The following ERICH3 variants were observed in gnomAD, a reference collection of about 807,000 sequenced individuals.
ERICH3 encodes glutamate-rich protein 3.
ERICH3 carries 126 observed loss-of-function variants against 131.1 expected under a neutral mutation model. That is an observed-to-expected ratio of 0.96 (90% CI 0.83 to 1.11). The LOEUF is 1.11. ERICH3 is among the 50% of genes most tolerant of loss of function. The pLI, the probability that ERICH3 is intolerant of heterozygous loss-of-function variation, is 0.00. For missense variants in ERICH3, 2,050 were observed against 1,810.7 expected, an observed-to-expected ratio of 1.13 and a Z score of -2.40; for synonymous variants, 695 against 644.6, an observed-to-expected ratio of 1.08 and a Z score of -1.18.
At chr1:74,649,340 A>C in intron 1 of ERICH3, 25 bp from the exon 2 acceptor site, 3 of 1,555,662 alleles carry the variant, frequency 1.9e-6, no homozygotes, top group Non-Finnish European at 2.6e-6. Context: ...TAAAACCAAT[A>C]AGCTTTTACA....
intron 12 of ERICH3, chr1:74,579,545 T>C (rs531192393): frequency 2.0e-6 from 2 of 985,418 alleles, no homozygotes; most frequent in South Asian, 9.4e-5. Context: ...TATTTCAGAT[T>C]CAGCAAGAAT....
rs112583366 is a variant in ERICH3, at chr1:74,573,063, G to T, written c.2647C>A (p.Leu883Ile). ...GCTTTGTCTGTCTCAAGCACTGTGA[G>T]CATCAAGGCTTGCTTTTCAGGAGCC... ...DEAPEKQALM[L>I]TVLETDKAAS... The change falls in exon 14 of 15, where the codon CTC (leucine) becomes ATC (isoleucine). Residue 883 changes from leucine (L) to isoleucine (I), a missense_variant. Coordinates refer to ENST00000326665, the MANE Select transcript of ERICH3 (RefSeq NM_001002912.5). The T allele has an allele frequency of 2.5e-6, 4 of 1,614,130 alleles. No homozygotes were observed. Among genetic ancestry groups the T allele is most frequent in the South Asian group, 2.2e-5 (2 of 91,086 alleles).
intron 10 of ERICH3, among the ~76,000 whole-genome samples, chr1:74,605,625 A>T (rs531826301): frequency 1.3e-5 from 2 of 151,822 alleles, no homozygotes; most frequent in South Asian, 2.1e-4. Flanking sequence ...AACAGAGAAG[A>T]CCAAGCAGAG....
chr1:74,590,761 G>C (rs756004669), intron 11 of ERICH3, among the ~76,000 whole-genome samples: 12 of 152,000 alleles, frequency 7.9e-5, no homozygotes, highest in Non-Finnish European at 1.6e-4. Context: ...TTAGATCCCT[G>C]GTCTAAATCA....
intron 7 of ERICH3, among the ~76,000 whole-genome samples, chr1:74,628,287 T>C (rs1198231589): frequency 6.6e-6 from 1 of 152,186 alleles, no homozygotes; most frequent in East Asian, 1.9e-4. Flanking sequence ...AAAGTTTCAC[T>C]TGGAGAAACA....
chr1:74,645,143 C>A (rs925723078), intron 3 of ERICH3, among the ~76,000 whole-genome samples: 1 of 152,028 alleles, frequency 6.6e-6, no homozygotes, highest in Admixed American at 6.6e-5. Context: ...AGTCATCCTC[C>A]TCTTCTTTTC....
chr1:74,669,988 C>A (rs1212952517), intron 1 of ERICH3, among the ~76,000 whole-genome samples: 1 of 152,102 alleles, frequency 6.6e-6, no homozygotes, highest in Non-Finnish European at 1.5e-5. Flanking sequence ...TTAATGAAAC[C>A]TTTTATTTGC....
In ERICH3 at chr1:74,572,024, G is replaced by A. The variant is rs77387756; in HGVS notation, c.3686C>T (p.Ala1229Val). Residue 1229 changes from alanine (A) to valine (V), a missense_variant, in exon 14 of 15, where the codon GCC (alanine) becomes GTC (valine). Transcript: ENST00000326665. ...PEAEPAGKVQ[A>V]PEGLIPATGQ... is the part of the protein sequence containing the mutation. ...TGTGGCTGGGATCAGCCCCTCAGGG[G>A]CCTGCACCTTTCCTGCTGGCTCAGC... 902 of 1,614,108 alleles carry A rather than the reference G, an allele frequency of 5.6e-4. 8 individuals are homozygous for A. In the African/African-American group the frequency reaches 0.011, roughly 19 times the overall value.
chr1:74,605,068 T>A (rs910748801), intron 10 of ERICH3, among the ~76,000 whole-genome samples: 1 of 151,958 alleles, frequency 6.6e-6, no homozygotes, highest in Non-Finnish European at 1.5e-5. Context: ...CTTCGCTAGG[T>A]CTTCTGGATA....
intron 8 of ERICH3, 75 bp from the exon 9 acceptor site, chr1:74,612,884 T>A: frequency 1.6e-6 from 2 of 1,259,350 alleles, no homozygotes; most frequent in Non-Finnish European, 2.2e-6. Context: ...TGTTTTTCTA[T>A]TAGATAAACA....
chr1:74,615,989 T>TTGTTTG (rs1290110332), intron 8 of ERICH3, among the ~76,000 whole-genome samples: 1 of 151,972 alleles, frequency 6.6e-6, no homozygotes, highest in East Asian at 1.9e-4. Flanking sequence ...GTTTTTTTAT[T>TTGTTTG]TGTTTGTTTT....
chr1:74,664,892 C>G (rs1175543894), intron 1 of ERICH3, among the ~76,000 whole-genome samples: 1 of 152,178 alleles, frequency 6.6e-6, no homozygotes, highest in Admixed American at 6.5e-5. Context: ...TTTCTCCCCA[C>G]TAAGTCTTTA....
chr1:74,636,379 A>C lies in ERICH3; in HGVS notation c.504T>G (p.Pro168=). 1 of 1,613,082 alleles carries C rather than the reference A, an allele frequency of 6.2e-7. No individual in the cohort carries two copies. Among genetic ancestry groups the C allele is most frequent in the Non-Finnish European group, 8.5e-7 (1 of 1,179,226 alleles). The part of the protein sequence containing the change: ...GNMQPPIRLQ[P]LPSNPAVETV... ...TTTCTACTGCAGGATTACTGGGAAG[A>C]GGCTGTAATCGAATTGGAGGCTGCA... Residue 168 remains proline (P), a synonymous_variant, in exon 6 of 15, where the codon CCT becomes CCG. Transcript: ENST00000326665.
rs535291553 is a variant in ERICH3, at chr1:74,585,455, A to G, written c.2176+4176T>C. 3.4e-4 allele frequency among the ~76,000 whole-genome samples: 52 copies of G among 152,266 alleles called. 1 individual carries two copies. Among genetic ancestry groups the G allele is most frequent in the African/African-American group, 1.2e-3 (49 of 41,574 alleles). On this transcript the variant is annotated intron_variant, in intron 12 of 14. Transcript: ENST00000326665. ...AGGAAAATATCATTTTATGCAATCAACCTAAAAGGTATGAAGGCAATGGCT... is the reference window on the plus strand; with the variant it reads ...AGGAAAATATCATTTTATGCAATCAGCCTAAAAGGTATGAAGGCAATGGCT...
At chr1:74,615,757 T>C (rs1277907152) in intron 8 of ERICH3, among the ~76,000 whole-genome samples, 1 of 152,248 alleles carries the variant, frequency 6.6e-6, no homozygotes, top group African/African-American at 2.4e-5. Flanking sequence ...TTTCCGGGGC[T>C]ACTCTTATCC....
intron 12 of ERICH3, 112 bp downstream of exon 12, chr1:74,589,519 A>C: frequency 9.7e-7 from 1 of 1,031,376 alleles, no homozygotes; most frequent in South Asian, 1.6e-5. Context: ...AAAATCTTGA[A>C]TCCCTAAAGC....
At chr1:74,629,534 T>C (rs1302589881) in intron 7 of ERICH3, among the ~76,000 whole-genome samples, 1 of 152,156 alleles carries the variant, frequency 6.6e-6, no homozygotes. Flanking sequence ...TGCTTATTTG[T>C]GCTTCACTTG....
intron 9 of ERICH3, among the ~76,000 whole-genome samples, chr1:74,607,699 T>C (rs1440126159): frequency 1.3e-5 from 2 of 152,012 alleles, no homozygotes; most frequent in Non-Finnish European, 2.9e-5. Flanking sequence ...TGGTGAACCA[T>C]GCAGATAATC....
intron 7 of ERICH3, chr1:74,625,451 C>G (rs1649380962): frequency 2.6e-5 from 4 of 152,106 alleles, no homozygotes; most frequent in Admixed American, 2.6e-4. Context: ...TAACTTCCTA[C>G]TGATCATTCA....
Sources: gnomAD v4.1 joint callset for allele counts (sites outside exome capture counted in the v4.1 genomes callset) on GRCh38, gnomAD v4.1.1 for gene constraint, MANE v1.5 for transcripts, NCBI Gene and HGNC (gene_info 2026-07-23, HGNC 2026-07-21) for gene names.